MALT1: variants seen among roughly 807,000 people sequenced by gnomAD.
MALT1 encodes the protein MALT1 paracaspase.
MALT1 carries 36 observed loss-of-function variants against 85.5 expected under a neutral mutation model. The observed-to-expected ratio is 0.42, with a 90% CI of 0.32 to 0.56. The LOEUF (loss-of-function observed/expected upper bound fraction) is 0.56. Ranked by LOEUF, MALT1 falls within the 20% of genes least tolerant of loss-of-function variation. The pLI is 0.10. For synonymous variants in MALT1, 359 were observed against 361.3 expected, an observed-to-expected ratio of 0.99 and a Z score of 0.07; for missense variants, 716 against 981.6, an observed-to-expected ratio of 0.73 and a Z score of 3.62.
At chr18:58,692,451 T>TCTCC (rs2054524779) in intron 2 of MALT1, among the ~76,000 whole-genome samples, 1 of 111,926 alleles carries the variant, frequency 8.9e-6, no homozygotes, top group East Asian at 2.8e-4. Flanking sequence ...TCTCCCTCCC[T>TCTCC]CCCTCCCTCC....
intron 4 of MALT1, among the ~76,000 whole-genome samples, chr18:58,701,452 A>G (rs12969814): frequency 5.9e-4 from 90 of 152,148 alleles, no homozygotes; most frequent in Non-Finnish European, 1.0e-3. Flanking sequence ...TACCTCTATT[A>G]TAGAACTCGT....
chr18:58,744,310 C>T, intron 14 of MALT1, 28 bp from the exon 15 acceptor site: 2 of 1,544,072 alleles, frequency 1.3e-6, no homozygotes, highest in Non-Finnish European at 8.8e-7. Context: ...GAAAACCTAC[C>T]AAAGTTGTTC....
chr18:58,681,363 C>T, intron 2 of MALT1, 27 bp downstream of exon 2: 1 of 1,590,866 alleles, frequency 6.3e-7, no homozygotes, highest in Non-Finnish European at 8.6e-7. Context: ...GGATTATTCT[C>T]CAGGAGTTCA....
intron 4 of MALT1, among the ~76,000 whole-genome samples, chr18:58,705,774 G>T (rs555865096): frequency 1.3e-5 from 2 of 151,988 alleles, no homozygotes; most frequent in Non-Finnish European, 2.9e-5. Context: ...GAATAATGCC[G>T]CAGTAAACAT....
At chr18:58,672,631 ATTTAT>A (rs1470736884) in intron 1 of MALT1, 1 of 152,226 alleles carries the variant, frequency 6.6e-6, no homozygotes, top group Non-Finnish European at 1.5e-5. Context: ...AAAAATATTA[ATTTAT>A]TTAAAAAGAA....
intron 13 of MALT1, among the ~76,000 whole-genome samples, chr18:58,735,563 A>G (rs7236784): frequency 0.24 from 36,657 of 151,998 alleles, 4,505 homozygotes; most frequent in Middle Eastern, 0.34. Flanking sequence ...AGCATTACTC[A>G]GACTACAAGG....
chr18:58,705,223 C>T (rs976839731), intron 4 of MALT1, among the ~76,000 whole-genome samples: 2 of 151,802 alleles, frequency 1.3e-5, no homozygotes, highest in East Asian at 1.9e-4. Flanking sequence ...CATTGTGCCC[C>T]CCATTGTATA....
Position 58,745,820 on chromosome 18 carries a change from A to G in MALT1, c.2037+29A>G, listed in dbSNP as rs1362671888. 7 of 1,592,716 alleles carry G rather than the reference A, an allele frequency of 4.4e-6. No homozygotes were observed. In the East Asian group the frequency reaches 1.6e-4, roughly 36 times the overall value. On this transcript the variant is annotated intron_variant, in intron 16 of 16. Coordinates refer to ENST00000649217, the MANE Select transcript of MALT1 (RefSeq NM_006785.4). ...ACTACCTTTTCTGTTTATAGCTACTAATGGAAAACTTTATGAAACTGGAAA... is the reference window on the plus strand; with the variant it reads ...ACTACCTTTTCTGTTTATAGCTACTGATGGAAAACTTTATGAAACTGGAAA...
At chr18:58,734,430 C>T in intron 12 of MALT1, 49 bp downstream of exon 12, 2 of 1,504,254 alleles carry the variant, frequency 1.3e-6, no homozygotes, top group Non-Finnish European at 1.9e-6. Flanking sequence ...TGTTTGATGT[C>T]TTTTTGTTTT....
In MALT1 at chr18:58,671,685, G is replaced by T; in HGVS notation, c.42G>T (p.Ser14=). ...LGDPLQALPP[S]AAPTGPLLAP... ...ACCCGCTACAGGCCCTGCCGCCCTC[G>T]GCCGCCCCCACGGGGCCGCTGCTCG... The change falls in exon 1 of 17, where the codon TCG becomes TCT. Residue 14 remains serine, a synonymous_variant. Transcript: ENST00000649217. The T allele has an allele frequency of 8.0e-7, 1 of 1,249,676 alleles. No homozygotes were observed. The allele number at this position is 1,249,676 out of a possible 1,614,324, so 77.4% of individuals were successfully genotyped here. A position where few individuals can be genotyped will look rare whatever the true frequency, so the allele number is the denominator to read the frequency against.
At position 58,725,465 on chromosome 18, in the gene MALT1, T is replaced by C. The variant is rs187599109; in HGVS notation, c.1222+2214T>C. ...TGAAACACTTCTGGTCCCAAGTCTT[T>C]CGGATAAAGGATACTCAACCTGTAT... is the stretch of plus-strand genomic sequence containing the variant. On this transcript the variant is annotated intron_variant, in intron 10 of 16. Coordinates refer to ENST00000649217, the MANE Select transcript of MALT1 (RefSeq NM_006785.4). 5.3e-5 allele frequency among the ~76,000 whole-genome samples: 8 copies of C among 152,324 alleles called. No homozygotes were observed. In the East Asian group the frequency reaches 1.5e-3, roughly 29 times the overall value.
At chr18:58,723,468 CAT>C (rs1473585289) in intron 10 of MALT1, among the ~76,000 whole-genome samples, 4 of 151,932 alleles carry the variant, frequency 2.6e-5, no homozygotes, top group African/African-American at 9.7e-5. Context: ...TTTGTCAAAA[CAT>C]ATTTTTCTTA....
In MALT1 at chr18:58,723,098, C is replaced by A; in HGVS notation, c.1069C>A (p.Pro357Thr). Residue 357 changes from proline (P) to threonine (T), a missense_variant, in exon 10 of 17, where the codon CCC (proline) becomes ACC (threonine). Pro to Thr is a conservative substitution (Grantham distance 38). Coordinates refer to ENST00000649217, the MANE Select transcript of MALT1 (RefSeq NM_006785.4). Reference protein sequence around the residue: ...LIGNMNYREHPKLKAPLVDVY... With the variant: ...LIGNMNYREHTKLKAPLVDVY... ...AGGAAATATGAATTACCGGGAGCAC[C>A]CCAAGCTCAAAGCTCCTTTGGTGGA... The A allele has an allele frequency of 6.2e-7, 1 of 1,613,826 alleles. No homozygotes were observed. Among genetic ancestry groups the A allele is most frequent in the Non-Finnish European group, 8.5e-7 (1 of 1,179,908 alleles).
intron 10 of MALT1, among the ~76,000 whole-genome samples, chr18:58,730,300 C>T (rs141283575): frequency 5.5e-4 from 84 of 152,272 alleles, no homozygotes; most frequent in African/African-American, 1.9e-3. Flanking sequence ...TATCCATTAA[C>T]AGTCACTCCC....
chr18:58,705,289 C>CGTGTGT (rs59890170), intron 4 of MALT1, among the ~76,000 whole-genome samples: 13,138 of 146,980 alleles, frequency 0.089, 737 homozygotes, highest in Non-Finnish European at 0.13. Flanking sequence ...TGTAAAAGTA[C>CGTGTGT]GTGTGTGTGT....
intron 13 of MALT1, chr18:58,741,287 C>T (rs1181067044): frequency 1.3e-5 from 2 of 151,928 alleles, no homozygotes; most frequent in Admixed American, 1.3e-4. Context: ...TTTGATTTGG[C>T]TCATTTTCTT....
chr18:58,687,414 A>G (rs2054420429), intron 2 of MALT1, among the ~76,000 whole-genome samples: 1 of 152,214 alleles, frequency 6.6e-6, no homozygotes, highest in Admixed American at 6.5e-5. Flanking sequence ...TGTAAGAGAA[A>G]CATATGTGGA....
At position 58,745,659 on chromosome 18, in the gene MALT1, T is replaced by G; in HGVS notation, c.1912-7T>G. 1 of 1,608,160 alleles carries G rather than the reference T, an allele frequency of 6.2e-7. No homozygotes were observed. Among genetic ancestry groups the G allele is most frequent in the Non-Finnish European group, 8.5e-7 (1 of 1,177,580 alleles). On this transcript the variant is annotated splice_region_variant and splice_polypyrimidine_tract_variant and intron_variant, in intron 15 of 16. Transcript: ENST00000649217. ...TTATTAACAGTCCCTAATTTTTTTTTTTACAGGATCTAGATATTGATCCAA... is the reference window on the plus strand; with the variant it reads ...TTATTAACAGTCCCTAATTTTTTTTGTTACAGGATCTAGATATTGATCCAA...
Position 58,747,818 on chromosome 18 carries a change from C to G in MALT1, c.2451C>G (p.Asp817Glu), listed in dbSNP as rs1602347562. 2.5e-6 allele frequency: 4 copies of G among 1,613,204 alleles called. No individual in the cohort carries two copies. Among genetic ancestry groups the G allele is most frequent in the Non-Finnish European group, 3.4e-6 (4 of 1,179,288 alleles). ...ATGAAATACCATTTAGTTTCTCTGA[C>G]AGGCTCAGAATTTCTGAAAAATGAC... is the stretch of plus-strand genomic sequence containing the variant. ...TTDEIPFSFS[D>E]RLRISEK The change falls in exon 17 of 17, where the codon GAC becomes GAG. Residue 817 changes from aspartate to glutamate, a missense_variant. Transcript: ENST00000649217.
Sources: allele counts gnomAD v4.1 joint callset (sites outside exome capture counted in the v4.1 genomes callset), GRCh38; gene constraint gnomAD v4.1.1; transcripts MANE v1.5; gene names NCBI Gene and HGNC (gene_info 2026-07-23, HGNC 2026-07-21).